Variants in ANAPC4 observed in about 807,000 individuals in gnomAD.
ANAPC4 encodes anaphase promoting complex subunit 4.
In ANAPC4, 63 loss-of-function variants were observed where a neutral mutation model predicts 119.8. That is an observed-to-expected ratio of 0.53 (90% CI 0.43 to 0.65). ANAPC4 has a LOEUF of 0.65. Ranked by LOEUF, ANAPC4 falls within the 30% of genes least tolerant of loss-of-function variation. ANAPC4 has a pLI of 0.00. For synonymous variants in ANAPC4, 283 were observed against 318.6 expected (o/e 0.89, Z 1.19); for missense variants, 716 against 945.1 (o/e 0.76, Z 3.18).
intron 2 of ANAPC4, among the ~76,000 whole-genome samples, chr4:25,379,691 C>T (rs1370966806): frequency 1.3e-5 from 2 of 152,046 alleles, no homozygotes; most frequent in Non-Finnish European, 2.9e-5. Context: ...GGAGTGGTTT[C>T]AGAAAAGAGA....
chr4:25,377,779 A>T (rs1721490952), intron 2 of ANAPC4, among the ~76,000 whole-genome samples: 1 of 152,338 alleles, frequency 6.6e-6, no homozygotes, highest in South Asian at 2.1e-4. Context: ...CGGTACTTTT[A>T]TGGCTAAAGT....
At chr4:25,410,484 C>T (rs1003373757) in intron 21 of ANAPC4, among the ~76,000 whole-genome samples, 10 of 152,114 alleles carry the variant, frequency 6.6e-5, no homozygotes, top group Non-Finnish European at 1.5e-4. Context: ...CTTTAATCCT[C>T]ACAAGATTCT....
At chr4:25,401,901 C>T (rs1028709739) in intron 16 of ANAPC4, among the ~76,000 whole-genome samples, 2 of 152,068 alleles carry the variant, frequency 1.3e-5, no homozygotes, top group African/African-American at 4.8e-5. Flanking sequence ...TTTTGGTTCA[C>T]CGTATTTGCA....
intron 21 of ANAPC4, 50 bp from the exon 22 acceptor site, chr4:25,413,593 TAA>T (rs1723698095): frequency 1.1e-5 from 16 of 1,398,608 alleles, no homozygotes; most frequent in Non-Finnish European, 1.6e-5. Flanking sequence ...CTTCTAATTA[TAA>T]GTTTGCTATA....
intron 3 of ANAPC4, among the ~76,000 whole-genome samples, chr4:25,381,067 A>T (rs1309965291): frequency 6.6e-6 from 1 of 152,162 alleles, no homozygotes; most frequent in Non-Finnish European, 1.5e-5. Context: ...TCTGTATTGG[A>T]ACTGTTGTAC....
intron 9 of ANAPC4, among the ~76,000 whole-genome samples, chr4:25,392,085 G>C (rs998131623): frequency 6.6e-6 from 1 of 152,052 alleles, no homozygotes; most frequent in Non-Finnish European, 1.5e-5. Flanking sequence ...TTGTAATACT[G>C]TTTCAAAATA....
At chr4:25,407,980 T>C (rs1338918995) in intron 20 of ANAPC4, among the ~76,000 whole-genome samples, 1 of 152,238 alleles carries the variant, frequency 6.6e-6, no homozygotes, top group African/African-American at 2.4e-5. Flanking sequence ...TAATGAAATT[T>C]TACAATATAA....
chr4:25,387,046 T>C (rs1470187928), intron 4 of ANAPC4, among the ~76,000 whole-genome samples: 1 of 152,176 alleles, frequency 6.6e-6, no homozygotes, highest in Non-Finnish European at 1.5e-5. Flanking sequence ...AACTTTTTTT[T>C]GTGTCTCAGT....
At chr4:25,399,274 A>G (rs1399573908) in intron 16 of ANAPC4, among the ~76,000 whole-genome samples, 1 of 152,152 alleles carries the variant, frequency 6.6e-6, no homozygotes, top group Non-Finnish European at 1.5e-5. Flanking sequence ...CTACAGTTCA[A>G]TTCCCCTTTA....
intron 28 of ANAPC4, 60 bp from the exon 29 acceptor site, chr4:25,418,095 A>G: frequency 7.0e-7 from 1 of 1,426,020 alleles, no homozygotes; most frequent in Non-Finnish European, 9.6e-7. Context: ...CTGATTTCTA[A>G]TTCTTTATAT....
At chr4:25,393,303 A>G (rs540457640) in intron 10 of ANAPC4, among the ~76,000 whole-genome samples, 2 of 152,362 alleles carry the variant, frequency 1.3e-5, no homozygotes, top group Admixed American at 6.5e-5. Flanking sequence ...CTAAGAATCA[A>G]TGGAATGTTT....
At chr4:25,413,945 G>T (rs1289441935) in intron 22 of ANAPC4, 2 of 528,426 alleles carry the variant, frequency 3.8e-6, no homozygotes, top group Non-Finnish European at 6.6e-6. Context: ...GTGTGTGTGT[G>T]TGTGTGTATA....
At chr4:25,415,643 G>T in intron 26 of ANAPC4, 103 bp downstream of exon 26, 1 of 923,318 alleles carries the variant, frequency 1.1e-6, no homozygotes. Flanking sequence ...TAGGTAAAAG[G>T]GCTTTGCCAC....
At chr4:25,383,203 C>A in intron 3 of ANAPC4, 58 bp from the exon 4 acceptor site, 1 of 1,442,948 alleles carries the variant, frequency 6.9e-7, no homozygotes, top group African/African-American at 1.4e-5. Context: ...AGGGAAATAC[C>A]CATTTATTTT....
At position 25,377,264 on chromosome 4, in the gene ANAPC4, T is replaced by A; in HGVS notation, c.-91T>A. On this transcript the variant is annotated 5_prime_UTR_variant, in exon 1 of 29. Transcript: ENST00000315368. ...GCGACAGCGGCGGGGCGGGGCGGCC[T>A]GGAGGCTGTGGCGCGCGGCCGGCAG... The A allele has an allele frequency of 2.2e-6, 2 of 927,566 alleles. No homozygotes were observed. The highest frequency in any genetic ancestry group is 3.1e-6 in the Non-Finnish European group (2 of 653,906). The allele number at this position is 927,566 out of a possible 1,614,324, so 57.5% of individuals were successfully genotyped here.
chr4:25,397,016 A>G (rs1200079218), intron 16 of ANAPC4, 117 bp downstream of exon 16: 8 of 1,052,606 alleles, frequency 7.6e-6, no homozygotes, highest in Non-Finnish European at 1.1e-5. Context: ...TTTTATCACA[A>G]TTATGCCTTT....
intron 7 of ANAPC4, 139 bp downstream of exon 7, chr4:25,389,021 GTC>G (rs1162494186): frequency 6.8e-6 from 5 of 739,736 alleles, no homozygotes; most frequent in South Asian, 2.0e-5. Context: ...TTGAGATGGA[GTC>G]TCTGTCACCC....
intron 2 of ANAPC4, among the ~76,000 whole-genome samples, chr4:25,380,146 T>G (rs1359086054): frequency 6.6e-6 from 1 of 152,222 alleles, no homozygotes; most frequent in East Asian, 1.9e-4. Flanking sequence ...AAGGTAAGTC[T>G]CCCGTTGACA....
intron 21 of ANAPC4, among the ~76,000 whole-genome samples, chr4:25,411,147 A>G (rs1212005583): frequency 6.6e-6 from 1 of 152,198 alleles, no homozygotes; most frequent in Non-Finnish European, 1.5e-5. Context: ...CATTGGTGCA[A>G]GTTGGCTATT....
Sources: allele counts gnomAD v4.1 joint callset (sites outside exome capture counted in the v4.1 genomes callset), GRCh38; gene constraint gnomAD v4.1.1; transcripts MANE v1.5; gene names NCBI Gene and HGNC (gene_info 2026-07-23, HGNC 2026-07-21).